ATRN: variants seen among roughly 807,000 people sequenced by gnomAD.
ATRN encodes the protein attractin-2.
A neutral mutation model predicts 178.7 loss-of-function variants in ATRN; 54 were observed. That is an observed-to-expected ratio of 0.30 (90% CI 0.24 to 0.38). The LOEUF (loss-of-function observed/expected upper bound fraction) is 0.38. Ranked by LOEUF, ATRN falls within the 10% of genes least tolerant of loss-of-function variation. The pLI, the probability that ATRN is intolerant of heterozygous loss-of-function variation, is 1.00. For missense variants in ATRN, 1,443 were observed against 1,815.1 expected, an observed-to-expected ratio of 0.79 and a Z score of 3.73; for synonymous variants, 636 against 663.0, an observed-to-expected ratio of 0.96 and a Z score of 0.63.
chr20:3,520,339 T>C (rs2085275358), intron 1 of ATRN, among the ~76,000 whole-genome samples: 1 of 152,026 alleles, frequency 6.6e-6, no homozygotes, highest in Non-Finnish European at 1.5e-5. Context: ...TGTGGAGTAT[T>C]TTTGTAGGGG....
At chr20:3,492,818 G>A (rs746924989) in intron 1 of ATRN, among the ~76,000 whole-genome samples, 3 of 150,176 alleles carry the variant, frequency 2.0e-5, no homozygotes, top group Non-Finnish European at 2.9e-5. Flanking sequence ...TGTCCAGAGA[G>A]AGAGAGAAAT....
At chr20:3,510,830 C>T (rs963450328) in intron 1 of ATRN, among the ~76,000 whole-genome samples, 3 of 152,014 alleles carry the variant, frequency 2.0e-5, no homozygotes, top group African/African-American at 7.3e-5. Context: ...GCTTTAAGAC[C>T]ATGCACATAT....
chr20:3,630,779 G>A (rs528477421), intron 25 of ATRN, among the ~76,000 whole-genome samples: 3 of 152,192 alleles, frequency 2.0e-5, no homozygotes, highest in South Asian at 2.1e-4. Flanking sequence ...AAAAGAATCC[G>A]GAACTTTGGT....
intron 6 of ATRN, among the ~76,000 whole-genome samples, chr20:3,555,097 G>A (rs1252244833): frequency 6.9e-6 from 1 of 144,556 alleles, no homozygotes; most frequent in African/African-American, 2.6e-5. Flanking sequence ...GCCCCCTGGG[G>A]TTCACGCCAT....
intron 1 of ATRN, among the ~76,000 whole-genome samples, chr20:3,479,529 T>A (rs1487487451): frequency 6.6e-6 from 1 of 152,166 alleles, no homozygotes; most frequent in African/African-American, 2.4e-5. Context: ...GAGAAAGACA[T>A]TCCAGAAGGA....
At chr20:3,507,694 A>ATT (rs55823401) in intron 1 of ATRN, among the ~76,000 whole-genome samples, 611 of 114,550 alleles carry the variant, frequency 5.3e-3, no homozygotes, top group Non-Finnish European at 7.4e-3. Context: ...AGTTAAAAAT[A>ATT]TTTTTTTTTT....
intron 18 of ATRN, among the ~76,000 whole-genome samples, chr20:3,587,109 G>A (rs148208873): frequency 6.6e-6 from 1 of 152,226 alleles, no homozygotes; most frequent in Non-Finnish European, 1.5e-5. Flanking sequence ...AGTTGTAAGA[G>A]TTCTTTATGA....
intron 1 of ATRN, among the ~76,000 whole-genome samples, chr20:3,481,546 A>T (rs909031159): frequency 6.6e-6 from 1 of 151,950 alleles, no homozygotes; most frequent in Non-Finnish European, 1.5e-5. Flanking sequence ...AGGTCTCACT[A>T]TGTCGCCCAG....
chr20:3,540,133 TATTA>T (rs2085597387), intron 2 of ATRN, 85 bp from the exon 3 acceptor site: 10 of 722,454 alleles, frequency 1.4e-5, no homozygotes, highest in Non-Finnish European at 2.0e-5. Context: ...TGTTACATAT[TATTA>T]ATTTAAAAAT....
chr20:3,584,169 G>A, intron 17 of ATRN, 86 bp downstream of exon 17: 1 of 1,385,776 alleles, frequency 7.2e-7, no homozygotes. Context: ...GTCAGCCTCT[G>A]AACATTTTAG....
At chr20:3,543,620 G>T (rs1382707479) in intron 3 of ATRN, among the ~76,000 whole-genome samples, 4 of 152,042 alleles carry the variant, frequency 2.6e-5, no homozygotes, top group African/African-American at 9.7e-5. Context: ...AGCTACTGAG[G>T]AGGCTGAGGC....
intron 24 of ATRN, chr20:3,615,723 T>C (rs1438036618): frequency 4.5e-6 from 2 of 444,742 alleles, no homozygotes; most frequent in African/African-American, 2.0e-5. Context: ...GCCCAGCTAA[T>C]TTTTTGTATT....
intron 1 of ATRN, among the ~76,000 whole-genome samples, chr20:3,487,674 T>C (rs1245033416): frequency 6.6e-6 from 1 of 152,194 alleles, no homozygotes; most frequent in African/African-American, 2.4e-5. Context: ...GAGTTTGTGA[T>C]TACTTCTTCT....
chr20:3,565,592 C>T (rs970410086), intron 11 of ATRN, among the ~76,000 whole-genome samples, 160 bp downstream of exon 11: 9 of 151,990 alleles, frequency 5.9e-5, no homozygotes, highest in Non-Finnish European at 1.3e-4. Flanking sequence ...ATGGTAAAGA[C>T]CCATCTCTAC....
chr20:3,546,016 C>T (rs2085695758), intron 4 of ATRN, 126 bp downstream of exon 4: 1 of 1,065,356 alleles, frequency 9.4e-7, no homozygotes, highest in Admixed American at 2.4e-5. Context: ...TGGATTTTCT[C>T]ATTTAAAATT....
intron 1 of ATRN, among the ~76,000 whole-genome samples, chr20:3,530,174 A>G (rs2085431857): frequency 1.3e-5 from 2 of 149,894 alleles, no homozygotes; most frequent in South Asian, 2.1e-4. Flanking sequence ...ACATAAAGCA[A>G]AAATAATCTG....
At chr20:3,562,153 G>A in intron 8 of ATRN, 123 bp from the exon 9 acceptor site, 1 of 797,396 alleles carries the variant, frequency 1.3e-6, no homozygotes, top group Non-Finnish European at 2.0e-6. Context: ...AAAATATAAA[G>A]ATAAAAAAGT....
At chr20:3,596,297 T>TA (rs2086527654) in intron 20 of ATRN, 80 bp from the exon 21 acceptor site, 1 of 1,381,374 alleles carries the variant, frequency 7.2e-7, no homozygotes. Flanking sequence ...GTACTTTATA[T>TA]AAAAGGATCT....
intron 22 of ATRN, among the ~76,000 whole-genome samples, chr20:3,600,716 A>T (rs1280449799): frequency 6.6e-6 from 1 of 152,098 alleles, no homozygotes; most frequent in Non-Finnish European, 1.5e-5. Context: ...GCATTTGATA[A>T]AGCATTAAAT....
Sources: gnomAD v4.1 joint callset for allele counts (sites outside exome capture counted in the v4.1 genomes callset) on GRCh38, gnomAD v4.1.1 for gene constraint, MANE v1.5 for transcripts, NCBI Gene and HGNC (gene_info 2026-07-23, HGNC 2026-07-21) for gene names.